ANKRD18A: variants seen among roughly 807,000 people sequenced by gnomAD.
ANKRD18A encodes the protein ankyrin repeat domain 18A.
ANKRD18A carries 72 observed loss-of-function variants against 110.6 expected under a neutral mutation model. The observed-to-expected ratio is 0.65, with a 90% CI of 0.54 to 0.79. ANKRD18A has a LOEUF of 0.79. Ranked by LOEUF, ANKRD18A falls within the 30% of genes least tolerant of loss-of-function variation. ANKRD18A has a pLI of 0.00. For synonymous variants in ANKRD18A, 305 were observed against 410.3 expected (o/e 0.74, Z 3.10); for missense variants, 934 against 1,163.3 (o/e 0.80, Z 2.87).
At chr9:38,589,734 A>G (rs999784493) in intron 10 of ANKRD18A, among the ~76,000 whole-genome samples, 4 of 152,156 alleles carry the variant, frequency 2.6e-5, no homozygotes, top group African/African-American at 4.8e-5. Flanking sequence ...GTGTTTCACA[A>G]TGTTGGCCAT....
intron 15 of ANKRD18A, among the ~76,000 whole-genome samples, chr9:38,574,105 T>C (rs1823776659): frequency 2.0e-5 from 3 of 152,214 alleles, no homozygotes; most frequent in Admixed American, 2.0e-4. Context: ...CCCATGTTTA[T>C]GTCAATGGGC....
At chr9:38,606,254 A>C (rs1177781261) in intron 6 of ANKRD18A, among the ~76,000 whole-genome samples, 1 of 152,172 alleles carries the variant, frequency 6.6e-6, no homozygotes, top group Non-Finnish European at 1.5e-5. Flanking sequence ...TTACGTTCTT[A>C]GTGACACAGA....
intron 10 of ANKRD18A, among the ~76,000 whole-genome samples, chr9:38,591,116 A>G (rs1824629041): frequency 6.7e-6 from 1 of 149,740 alleles, no homozygotes; most frequent in South Asian, 2.1e-4. Context: ...ATGCACCACC[A>G]TGCCCCAGCT....
In ANKRD18A at chr9:38,599,656, G is replaced by T. The variant is rs1415643647; in HGVS notation, c.936+1475C>A. Among the ~76,000 whole-genome samples the T allele has an allele frequency of 3.3e-5, 5 of 152,078 alleles. No homozygotes were observed. The East Asian group carries it at 9.7e-4, about 29-fold the overall frequency. ...ATTTTGTATTTTTAGTAGAGACGGG[G>T]TTTCTCCATGTTGGTCAGGCTGGTC... On this transcript the variant is annotated intron_variant, in intron 8 of 15. Coordinates refer to ENST00000399703, the MANE Select transcript of ANKRD18A (RefSeq NM_147195.4).
At chr9:38,607,387 C>T in intron 6 of ANKRD18A, 39 bp downstream of exon 6, 2 of 1,437,886 alleles carry the variant, frequency 1.4e-6, no homozygotes, top group Non-Finnish European at 1.9e-6. Flanking sequence ...TCAGTAAGAT[C>T]ACCAAGGGAA....
At chr9:38,601,612 G>T (rs1474888749) in intron 7 of ANKRD18A, among the ~76,000 whole-genome samples, 3 of 152,086 alleles carry the variant, frequency 2.0e-5, no homozygotes, top group African/African-American at 7.2e-5. Flanking sequence ...TTTTGTTACT[G>T]TTATACCTTT....
intron 7 of ANKRD18A, 67 bp downstream of exon 7, chr9:38,603,092 C>T (rs377431000): frequency 3.0e-4 from 465 of 1,526,438 alleles, no homozygotes; most frequent in Non-Finnish European, 3.9e-4. Flanking sequence ...CCATTAACTA[C>T]GGCTGAAGCT....
intron 11 of ANKRD18A, among the ~76,000 whole-genome samples, chr9:38,586,527 A>T (rs531414348): frequency 6.6e-6 from 1 of 152,244 alleles, no homozygotes; most frequent in Admixed American, 6.5e-5. Flanking sequence ...TATAGCAGGT[A>T]AAGTGATAAT....
In ANKRD18A at chr9:38,578,007, T is replaced by C. The variant is rs1424694005; in HGVS notation, c.2389A>G (p.Met797Val). The change falls in exon 13 of 16, where the codon ATG becomes GTG. Residue 797 changes from methionine (M) to valine (V), a missense_variant. Physicochemically the swap from Met to Val is conservative, Grantham distance 21. Transcript: ENST00000399703. ...KCEKLEKDKK[M>V]LEEEVLNLKT... The stretch of plus-strand genomic sequence containing the variant: ...AGATTTAATACTTCTTCTTCCAACA[T>C]CTTTTTATCCTTCTCAAGTTTTTCA... 7 of 1,558,662 alleles carry C rather than the reference T, an allele frequency of 4.5e-6. No homozygotes were observed. In the Admixed American group the frequency reaches 5.7e-5, roughly 13 times the overall value.
At chr9:38,568,301 C>T (rs560989162), downstream of ANKRD18A, 1 of 152,270 alleles carries the variant, frequency 6.6e-6, no homozygotes, top group Non-Finnish European at 1.5e-5. Context: ...CTGCTCATTT[C>T]CTCTATGTGG....
chr9:38,571,632 A>T lies in ANKRD18A; in HGVS notation c.*413T>A. The T allele has an allele frequency of 9.9e-7, 1 of 1,013,804 alleles. No individual in the cohort carries two copies. Among genetic ancestry groups the T allele is most frequent in the South Asian group, 4.3e-5 (1 of 23,310 alleles). 62.8% of individuals were successfully genotyped at this position (1,013,804 alleles called of 1,614,324 possible). ...TTTAAGTCTCCTACTACATATGGTA[A>T]TAAAAACTGTAAAATGCAAAGAAGC... On this transcript the variant is annotated 3_prime_UTR_variant, in exon 16 of 16. Coordinates refer to ENST00000399703, the MANE Select transcript of ANKRD18A (RefSeq NM_147195.4).
chr9:38,577,778 AAC>A, intron 13 of ANKRD18A, 87 bp downstream of exon 13: 2 of 1,390,038 alleles, frequency 1.4e-6, no homozygotes, highest in East Asian at 5.5e-5. Flanking sequence ...AGGCAGAGGA[AAC>A]ACAATATATA....
At chr9:38,611,633 A>G (rs1324480919) in intron 3 of ANKRD18A, among the ~76,000 whole-genome samples, 4 of 152,154 alleles carry the variant, frequency 2.6e-5, no homozygotes, top group Non-Finnish European at 5.9e-5. Flanking sequence ...TGAAACCAAG[A>G]GATTCTCAAG....
chr9:38,581,682 C>T (rs1346385668), intron 12 of ANKRD18A, among the ~76,000 whole-genome samples: 4 of 152,124 alleles, frequency 2.6e-5, no homozygotes, highest in African/African-American at 7.2e-5. Context: ...CCTTACTTCA[C>T]GTTTGTTTGC....
At chr9:38,570,188 G>T (rs1823589458), downstream of ANKRD18A, among the ~76,000 whole-genome samples, 1 of 151,838 alleles carries the variant, frequency 6.6e-6, no homozygotes, top group African/African-American at 2.4e-5. Context: ...CCCATTAGTA[G>T]GCCTCATGGA....
downstream of ANKRD18A, chr9:38,569,545 G>A (rs1406533144): frequency 5.2e-6 from 4 of 765,074 alleles, no homozygotes; most frequent in African/African-American, 1.9e-5. Flanking sequence ...GTGACATTGT[G>A]GGGTGACACA....
chr9:38,598,293 C>T (rs1824975858), intron 8 of ANKRD18A, among the ~76,000 whole-genome samples: 1 of 152,142 alleles, frequency 6.6e-6, no homozygotes, highest in Non-Finnish European at 1.5e-5. Context: ...ATAATTTTCC[C>T]AGCCCATATG....
In ANKRD18A at chr9:38,596,265, T is replaced by A. The variant is rs1486489056; in HGVS notation, c.1075A>T (p.Ile359Phe). 2 of 1,539,118 alleles carry A rather than the reference T, an allele frequency of 1.3e-6. No individual in the cohort carries two copies. Among genetic ancestry groups the A allele is most frequent in the East Asian group, 4.9e-5 (2 of 40,840 alleles). ...LRKEKKYIQE[I>F]KSITEINANF... is the part of the protein sequence containing the mutation. ...GCATTTATTTCTGTAATGCTTTTAA[T>A]TTCCTGAATATATTTCTTTTCCTTT... is the stretch of plus-strand genomic sequence containing the variant. The change falls in exon 9 of 16, where the codon ATT (isoleucine) becomes TTT (phenylalanine). Residue 359 changes from isoleucine (I) to phenylalanine (F), a missense_variant. Transcript: ENST00000399703.
At chr9:38,586,384 T>C (rs1765390) in intron 11 of ANKRD18A, 72 bp from the exon 12 acceptor site, 2 of 1,333,668 alleles carry the variant, frequency 1.5e-6, no homozygotes, top group African/African-American at 3.0e-5. Context: ...TAAACAGATA[T>C]TATGTTATGG....
Sources: gnomAD v4.1 joint callset for allele counts (sites outside exome capture counted in the v4.1 genomes callset) on GRCh38, gnomAD v4.1.1 for gene constraint, MANE v1.5 for transcripts, NCBI Gene and HGNC (gene_info 2026-07-23, HGNC 2026-07-21) for gene names.